Variants in TTC17 observed in about 807,000 individuals in gnomAD.
TTC17 encodes tetratricopeptide repeat protein 17.
A neutral mutation model predicts 143.8 loss-of-function variants in TTC17; 58 were observed. That is an observed-to-expected ratio of 0.40 (90% CI 0.33 to 0.50). TTC17 has a LOEUF of 0.50. TTC17 is among the 20% of genes least tolerant of loss of function. The pLI, the probability that TTC17 is intolerant of heterozygous loss-of-function variation, is 0.49. For missense variants in TTC17, 1,273 were observed against 1,392.5 expected, an observed-to-expected ratio of 0.91 and a Z score of 1.37; for synonymous variants, 501 against 497.8, an observed-to-expected ratio of 1.01 and a Z score of -0.09.
rs997312182 is a variant in TTC17, at chr11:43,452,928, G to GA, written c.3030+1672dup. Among the ~76,000 whole-genome samples the GA allele has an allele frequency of 5.5e-4, 83 of 150,162 alleles. 1 individual carries two copies. The highest frequency in any genetic ancestry group is 1.2e-3 in the African/African-American group (48 of 40,954). ...ACAGAGTGAGACCCTGTCTCAAAAAGAAAAAAAAATTCGCCTGCATAAATA... is the reference window on the plus strand; with the variant it reads ...ACAGAGTGAGACCCTGTCTCAAAAAGAAAAAAAAAATTCGCCTGCATAAATA... On this transcript the variant is annotated intron_variant, in intron 21 of 23. Coordinates refer to ENST00000039989, the MANE Select transcript of TTC17 (RefSeq NM_018259.6).
chr11:43,469,594 CAAA>C (rs1239053638), intron 21 of TTC17, among the ~76,000 whole-genome samples: 1 of 151,862 alleles, frequency 6.6e-6, no homozygotes, highest in African/African-American at 2.4e-5. Context: ...AAGTTGGTAA[CAAA>C]AAAATGCATA....
chr11:43,402,689 G>A (rs1857921724), intron 10 of TTC17, among the ~76,000 whole-genome samples: 1 of 152,138 alleles, frequency 6.6e-6, no homozygotes, highest in Non-Finnish European at 1.5e-5. Flanking sequence ...TAACAGGTAA[G>A]TGTAATAAAA....
At chr11:43,440,325 A>G (rs866857475) in intron 16 of TTC17, among the ~76,000 whole-genome samples, 8 of 152,228 alleles carry the variant, frequency 5.3e-5, no homozygotes, top group African/African-American at 1.9e-4. Flanking sequence ...ACAAGTGTCT[A>G]CAATTCCAAC....
intron 1 of TTC17, among the ~76,000 whole-genome samples, chr11:43,366,399 G>A (rs769523449): frequency 2.0e-5 from 3 of 151,748 alleles, no homozygotes; most frequent in Non-Finnish European, 4.4e-5. Context: ...AAAGCTACTC[G>A]GGAGGCTGAG....
chr11:43,471,565 TG>T (rs1471526635), intron 21 of TTC17, among the ~76,000 whole-genome samples: 1 of 152,114 alleles, frequency 6.6e-6, no homozygotes, highest in Non-Finnish European at 1.5e-5. Context: ...CGGAGAGGAG[TG>T]GACAGCTTCT....
chr11:43,448,976 T>C (rs763290602), intron 19 of TTC17: 7 of 152,348 alleles, frequency 4.6e-5, no homozygotes, highest in Non-Finnish European at 1.0e-4. Context: ...TTAGCACTTT[T>C]ACTCCCTGAG....
chr11:43,414,221 C>T (rs865982978), intron 15 of TTC17, among the ~76,000 whole-genome samples: 10 of 152,066 alleles, frequency 6.6e-5, no homozygotes, highest in African/African-American at 2.2e-4. Context: ...TTTCATTTAC[C>T]TGAAGTTCAA....
intron 7 of TTC17, 60 bp downstream of exon 7, chr11:43,397,551 T>TC: frequency 6.8e-7 from 1 of 1,464,770 alleles, no homozygotes. Context: ...TTTTTTTTTT[T>TC]TTCTCCCCCC....
chr11:43,437,759 C>T (rs914294343), intron 16 of TTC17, among the ~76,000 whole-genome samples: 1 of 152,150 alleles, frequency 6.6e-6, no homozygotes, highest in African/African-American at 2.4e-5. Flanking sequence ...ACACATAGTA[C>T]ATGATCAGTA....
At chr11:43,419,686 A>G (rs970286044) in intron 16 of TTC17, among the ~76,000 whole-genome samples, 4 of 152,164 alleles carry the variant, frequency 2.6e-5, no homozygotes, top group African/African-American at 9.7e-5. Flanking sequence ...CAATTTTAAT[A>G]GTACTTTTTT....
At chr11:43,491,580 GTTTGGCCTATGGGCCAAAGT>G (rs1318077132) in intron 22 of TTC17, 1 of 153,892 alleles carries the variant, frequency 6.5e-6, no homozygotes, top group Non-Finnish European at 1.4e-5. Context: ...AGGAGACTAG[GTTTGGCCTATGGGCCAAAGT>G]TTGCCAACCC....
chr11:43,427,286 C>T (rs1168700239), intron 16 of TTC17, among the ~76,000 whole-genome samples: 3 of 152,120 alleles, frequency 2.0e-5, no homozygotes, highest in African/African-American at 7.2e-5. Context: ...GAAATCTAAG[C>T]CCCCTCCGAC....
chr11:43,447,428 G>A (rs906354039), intron 18 of TTC17, among the ~76,000 whole-genome samples: 2 of 152,124 alleles, frequency 1.3e-5, no homozygotes, highest in Non-Finnish European at 2.9e-5. Flanking sequence ...CTTCTTTATA[G>A]TAGTGGTTCT....
At chr11:43,438,631 T>C (rs1165622044) in intron 16 of TTC17, among the ~76,000 whole-genome samples, 1 of 152,212 alleles carries the variant, frequency 6.6e-6, no homozygotes. Flanking sequence ...ATGCAAGACT[T>C]TCTGGAGGAA....
rs781617421 is a variant in TTC17 at position 43,389,792 on chromosome 11, A to G, written c.390A>G (p.Thr130=). ...PLGDLDLYDG[T]YITLESKDIS... ...GGGACCTGGATCTATATGATGGCAC[A>G]TACATAACTTTGGAGAGCAAAGACA... The change falls in exon 3 of 24, where the codon ACA becomes ACG. Residue 130 remains threonine, a synonymous_variant. Coordinates refer to ENST00000039989, the MANE Select transcript of TTC17 (RefSeq NM_018259.6). 2.5e-6 allele frequency: 4 copies of G among 1,610,072 alleles called. No homozygotes were observed. The highest frequency in any genetic ancestry group is 1.3e-5 in the African/African-American group (1 of 74,682).
At chr11:43,454,849 A>G (rs1412307209) in intron 21 of TTC17, among the ~76,000 whole-genome samples, 1 of 152,038 alleles carries the variant, frequency 6.6e-6, no homozygotes, top group Non-Finnish European at 1.5e-5. Flanking sequence ...AGAGAAACAG[A>G]TTAAAATATA....
In TTC17 at chr11:43,391,800, GA is replaced by G; in HGVS notation, c.532-19del. 6.2e-7 allele frequency: 1 copy of G among 1,607,258 alleles called. No homozygotes were observed. Among genetic ancestry groups the G allele is most frequent in the Non-Finnish European group, 8.5e-7 (1 of 1,178,418 alleles). ...TTTTATATCCTTTGATATGTCTTTT[GA>G]ATCTTTTTCTTCTCTTCAGGGTGTA... On this transcript the variant is annotated intron_variant, in intron 4 of 23. Transcript: ENST00000039989.
intron 16 of TTC17, among the ~76,000 whole-genome samples, chr11:43,415,058 A>G (rs1358670353): frequency 6.6e-6 from 1 of 152,148 alleles, no homozygotes; most frequent in African/African-American, 2.4e-5. Flanking sequence ...CCTCCCTCCA[A>G]AATCTCTGGT....
chr11:43,488,594 A>G (rs1283401890), intron 21 of TTC17, among the ~76,000 whole-genome samples: 2 of 152,138 alleles, frequency 1.3e-5, no homozygotes, highest in East Asian at 3.8e-4. Context: ...AGTTGGAGCC[A>G]TATCTTTTAC....
Sources: gnomAD v4.1 joint callset for allele counts (sites outside exome capture counted in the v4.1 genomes callset) on GRCh38, gnomAD v4.1.1 for gene constraint, MANE v1.5 for transcripts, NCBI Gene and HGNC (gene_info 2026-07-23, HGNC 2026-07-21) for gene names.